Variants in PASD1 observed in about 807,000 individuals in gnomAD.
The protein encoded by PASD1 is PAS domain containing repressor 1, also known as circadian clock protein PASD1.
In PASD1, 13 loss-of-function variants were observed where a neutral mutation model predicts 58.8. The observed-to-expected ratio is 0.22, with a 90% CI of 0.14 to 0.35. The LOEUF is 0.35. PASD1 is among the 10% of genes least tolerant of loss of function. PASD1 has a pLI of 1.00. For synonymous variants in PASD1, 236 were observed against 216.7 expected (o/e 1.09, Z -0.78); for missense variants, 734 against 568.3 (o/e 1.29, Z -2.96).
intron 1 of PASD1, among the ~76,000 whole-genome samples, chrX:151,578,953 C>T (rs2013049161): frequency 8.9e-6 from 1 of 111,878 alleles, no homozygotes; most frequent in Non-Finnish European, 1.9e-5. Flanking sequence ...ATCTGTTGGG[C>T]ACTTAAGTCA....
intron 8 of PASD1, among the ~76,000 whole-genome samples, chrX:151,627,595 A>G (rs1178200675): frequency 1.5e-4 from 17 of 111,843 alleles, no homozygotes; most frequent in African/African-American, 4.9e-4. Flanking sequence ...TTCTTAATCC[A>G]GTCTATCATT....
chrX:151,613,249 T>C (rs1359917574), intron 4 of PASD1, among the ~76,000 whole-genome samples: 1 of 111,034 alleles, frequency 9.0e-6, no homozygotes, highest in Admixed American at 9.6e-5. Context: ...AGTCAGGTAG[T>C]ATGATGCCTC....
intron 11 of PASD1, among the ~76,000 whole-genome samples, chrX:151,668,276 G>C (rs2014411307): frequency 9.0e-6 from 1 of 111,677 alleles, no homozygotes; most frequent in Admixed American, 9.5e-5. Context: ...TATGGTTTTT[G>C]TCATTGGTTC....
At chrX:151,637,277 G>A (rs1190645370) in intron 8 of PASD1, among the ~76,000 whole-genome samples, 4 of 112,477 alleles carry the variant, frequency 3.6e-5, no homozygotes, top group African/African-American at 9.7e-5. Context: ...TACAGTAATT[G>A]TATGTTCAAC....
chrX:151,643,695 A>G (rs2014023981), intron 8 of PASD1, among the ~76,000 whole-genome samples: 1 of 111,935 alleles, frequency 8.9e-6, no homozygotes, highest in African/African-American at 3.2e-5. Context: ...TTATTTTACT[A>G]CTCCCTAGTG....
chrX:151,629,158 C>T (rs1485819046), intron 8 of PASD1, among the ~76,000 whole-genome samples: 1 of 111,285 alleles, frequency 9.0e-6, no homozygotes, highest in African/African-American at 3.3e-5. Flanking sequence ...CTCACTCTGT[C>T]GCCCAGGCTG....
chrX:151,600,268 A>G (rs1240513588), intron 1 of PASD1, among the ~76,000 whole-genome samples: 2 of 101,049 alleles, frequency 2.0e-5, no homozygotes, highest in Admixed American at 2.2e-4. Context: ...GAGAGAGACG[A>G]GGGAGAGGGA....
rs201707889 is a variant in PASD1, at chrX:151,671,591, C to T, written c.1249C>T (p.Arg417Cys). The change falls in exon 13 of 16, where the codon CGC (arginine) becomes TGC (cysteine). Residue 417 changes from arginine (R) to cysteine (C), a missense_variant. Transcript: ENST00000370357. ...DHLQKQPNTL[R>C]HVVIPDLQSS... ...CTTACAGAAGCAGCCAAACACATTA[C>T]GCCACGTTGTCATTCCTGATCTCCA... 1.8e-4 allele frequency: 215 copies of T among 1,209,504 alleles called. 1 individual carries two copies. Among genetic ancestry groups the T allele is most frequent in the Admixed American group, 1.4e-3 (64 of 45,851 alleles).
At chrX:151,619,672 G>T (rs1327144732) in intron 4 of PASD1, among the ~76,000 whole-genome samples, 1 of 111,512 alleles carries the variant, frequency 9.0e-6, no homozygotes, top group Non-Finnish European at 1.9e-5. Context: ...GAGAAGTGAT[G>T]ATTTGATTTG....
At chrX:151,583,702 G>T (rs1365224193) in intron 1 of PASD1, among the ~76,000 whole-genome samples, 1 of 112,191 alleles carries the variant, frequency 8.9e-6, no homozygotes, top group Non-Finnish European at 1.9e-5. Flanking sequence ...TATTGACTGT[G>T]AACTTTGTGA....
chrX:151,674,545 C>CT (rs994680329), intron 15 of PASD1, among the ~76,000 whole-genome samples: 3 of 112,787 alleles, frequency 2.7e-5, no homozygotes, highest in African/African-American at 9.7e-5. Context: ...GCTACAAAAT[C>CT]TAAGACCTAG....
chrX:151,600,025 C>T (rs897744210), intron 1 of PASD1, among the ~76,000 whole-genome samples: 13 of 112,248 alleles, frequency 1.2e-4, no homozygotes, highest in Non-Finnish European at 1.7e-4. Flanking sequence ...CACCTCGGGA[C>T]GCCGAGGCTG....
intron 7 of PASD1, among the ~76,000 whole-genome samples, chrX:151,624,125 G>C (rs143862214): frequency 8.9e-6 from 1 of 111,976 alleles, no homozygotes; most frequent in Admixed American, 9.5e-5. Context: ...CTAAGTGAAA[G>C]ATGATAGGGG....
At chrX:151,652,297 G>T (rs2014137498) in intron 9 of PASD1, among the ~76,000 whole-genome samples, 1 of 111,361 alleles carries the variant, frequency 9.0e-6, no homozygotes, top group Non-Finnish European at 1.9e-5. Flanking sequence ...ACTTTGGGAG[G>T]CCGAGGCAGG....
intron 8 of PASD1, among the ~76,000 whole-genome samples, chrX:151,630,631 G>T (rs1378255580): frequency 8.9e-6 from 1 of 112,137 alleles, no homozygotes; most frequent in Admixed American, 9.5e-5. Context: ...CCCTCTGGGG[G>T]ATAGTTAGAA....
rs764022057 is a variant in PASD1, at chrX:151,623,010, G to C, written c.492G>C (p.Glu164Asp). 4 of 1,207,771 alleles carry C rather than the reference G, an allele frequency of 3.3e-6. No individual in the cohort carries two copies. The highest frequency in any genetic ancestry group is 3.5e-5 in the African/African-American group (2 of 57,050). ...ACTTTGCTGCATGTGTTCCTCAGGA[G>C]GATCGGCTTTATCTTGTGGGAAATG... ...CADFAACVPQ[E>D]DRLYLVGNVC... The change falls in exon 7 of 16, where the codon GAG (glutamate) becomes GAC (aspartate). Residue 164 changes from glutamate (E) to aspartate (D), a missense_variant. Physicochemically the swap from Glu to Asp is conservative, Grantham distance 45. Coordinates refer to ENST00000370357, the MANE Select transcript of PASD1 (RefSeq NM_173493.3).
chrX:151,623,177 T>A, intron 7 of PASD1, 113 bp downstream of exon 7: 1 of 876,849 alleles, frequency 1.1e-6, no homozygotes, highest in Non-Finnish European at 1.6e-6. Flanking sequence ...TTACTCAGTG[T>A]GTGCAGAGGG....
chrX:151,601,539 G>T lies in PASD1; in HGVS notation c.-15G>T, dbSNP rs201942728. ...ACTTTGATTTCAGGAGTCTTCCTAC[G>T]TCACTGAATAATGAATGAAGATGAG... is the stretch of plus-strand genomic sequence containing the variant. On this transcript the variant is annotated 5_prime_UTR_variant, in exon 2 of 16. Transcript: ENST00000370357. 8.3e-7 allele frequency: 1 copy of T among 1,208,485 alleles called. No individual in the cohort carries two copies. Among genetic ancestry groups the T allele is most frequent in the Non-Finnish European group, 1.1e-6 (1 of 892,905 alleles).
chrX:151,607,542 A>G (rs2013503304), intron 3 of PASD1, among the ~76,000 whole-genome samples: 1 of 111,947 alleles, frequency 8.9e-6, no homozygotes, highest in South Asian at 3.7e-4. Context: ...ACCAAGCTGG[A>G]TAGAGCTTCA....
Sources: allele counts gnomAD v4.1 joint callset (sites outside exome capture counted in the v4.1 genomes callset), GRCh38; gene constraint gnomAD v4.1.1; transcripts MANE v1.5; gene names NCBI Gene and HGNC (gene_info 2026-07-23, HGNC 2026-07-21).